The following CRYBG3 variants were observed in gnomAD, a reference collection of about 807,000 sequenced individuals.
CRYBG3 encodes crystallin beta-gamma domain containing 3.
Under a neutral mutation model 244.2 loss-of-function variants are expected in CRYBG3, and 127 were observed. That is an observed-to-expected ratio of 0.52 (90% confidence interval 0.45 to 0.60). CRYBG3 has a LOEUF of 0.60. CRYBG3 is among the 20% of genes least tolerant of loss of function. The pLI is 0.00. For synonymous variants in CRYBG3, 1,132 were observed against 1,195.8 expected (o/e 0.95, Z 1.10); for missense variants, 3,325 against 3,442.5 (o/e 0.97, Z 0.85).
At chr3:97,935,300 T>C (rs1237989337) in intron 18 of CRYBG3, among the ~76,000 whole-genome samples, 1 of 152,112 alleles carries the variant, frequency 6.6e-6, no homozygotes. Flanking sequence ...GAAACTTCCC[T>C]GACAGTTTAA....
Position 97,875,647 on chromosome 3 carries a change from G to C in CRYBG3, c.4453G>C (p.Asp1485His). The change falls in exon 4 of 22, where the codon GAC becomes CAC. Residue 1485 changes from aspartate (D) to histidine (H), a missense_variant. Physicochemically the swap from Asp to His is moderately conservative, Grantham distance 81. Coordinates refer to ENST00000389622, the MANE Select transcript of CRYBG3 (RefSeq NM_153605.4). ...NFKWPPLVND[D>H]IHAPGTSKSS... Reference sequence around the variant, plus strand: ...CAAATGGCCTCCACTTGTGAATGATGACATCCATGCACCTGGTACATCTAA... The same window carrying C: ...CAAATGGCCTCCACTTGTGAATGATCACATCCATGCACCTGGTACATCTAA... 1 of 1,234,546 alleles carries C rather than the reference G, an allele frequency of 8.1e-7. No individual in the cohort carries two copies. Among genetic ancestry groups the C allele is most frequent in the Non-Finnish European group, 1.0e-6 (1 of 989,834 alleles). 76.5% of individuals were successfully genotyped at this position (1,234,546 alleles called of 1,614,324 possible).
At chr3:97,925,701 G>T (rs2040033038) in intron 17 of CRYBG3, among the ~76,000 whole-genome samples, 1 of 151,984 alleles carries the variant, frequency 6.6e-6, no homozygotes, top group South Asian at 2.1e-4. Context: ...GGTCACCTCT[G>T]GGGGTGGTGG....
intron 15 of CRYBG3, among the ~76,000 whole-genome samples, chr3:97,904,372 C>T (rs539873339): frequency 6.6e-6 from 1 of 152,140 alleles, no homozygotes; most frequent in East Asian, 1.9e-4. Context: ...TTATTTTAAC[C>T]CATCAAATCA....
At chr3:97,915,825 G>C in intron 17 of CRYBG3, 89 bp downstream of exon 17, 1 of 1,019,076 alleles carries the variant, frequency 9.8e-7, no homozygotes, top group South Asian at 2.2e-5. Flanking sequence ...TGGAAGAAAT[G>C]ATACAAGGAG....
chr3:97,904,056 A>C (rs1158270420), intron 15 of CRYBG3, among the ~76,000 whole-genome samples: 1 of 152,186 alleles, frequency 6.6e-6, no homozygotes, highest in East Asian at 1.9e-4. Flanking sequence ...CTGTAAAGGT[A>C]GCCAACATGG....
At chr3:97,887,390 G>A (rs1034105553) in intron 8 of CRYBG3, among the ~76,000 whole-genome samples, 1 of 152,114 alleles carries the variant, frequency 6.6e-6, no homozygotes, top group African/African-American at 2.4e-5. Flanking sequence ...CTTTGATGAT[G>A]GTTGGTATAC....
intron 17 of CRYBG3, among the ~76,000 whole-genome samples, chr3:97,916,831 A>G (rs2039933964): frequency 6.6e-6 from 1 of 152,152 alleles, no homozygotes; most frequent in Admixed American, 6.6e-5. Context: ...TGTAGACACC[A>G]ACATGGAAAG....
intron 2 of CRYBG3, among the ~76,000 whole-genome samples, chr3:97,856,908 G>T (rs1308390637): frequency 6.6e-6 from 1 of 151,894 alleles, no homozygotes; most frequent in Non-Finnish European, 1.5e-5. Context: ...ATTTATTTCT[G>T]CTCTGATTAT....
Position 97,872,869 on chromosome 3 carries a change from A to G in CRYBG3, c.1675A>G (p.Thr559Ala). 3 of 1,533,768 alleles carry G rather than the reference A, an allele frequency of 2.0e-6. No individual in the cohort carries two copies. Among genetic ancestry groups the G allele is most frequent in the Non-Finnish European group, 2.6e-6 (3 of 1,146,294 alleles). The change falls in exon 4 of 22, where the codon ACT becomes GCT. Residue 559 changes from threonine to alanine, a missense_variant. Physicochemically the swap from Thr to Ala is moderately conservative, Grantham distance 58 (BLOSUM62 0). Around this residue, in one of 4 missense-constraint regions of CRYBG3, gnomAD observed 1,526 missense variants for 1,443.2 expected, o/e 1.06. Coordinates refer to ENST00000389622, the MANE Select transcript of CRYBG3 (RefSeq NM_153605.4). ...TAAAATTGAGTCATTACCCAAAGAT[A>G]CTGACCAATACTTTGAAACCAAAGC... ...EDKIESLPKD[T>A]DQYFETKAKK...
At chr3:97,848,659 C>T (rs2038938539) in intron 2 of CRYBG3, among the ~76,000 whole-genome samples, 2 of 152,206 alleles carry the variant, frequency 1.3e-5, no homozygotes, top group Non-Finnish European at 2.9e-5. Context: ...CTCCTGGGCT[C>T]AAGCAATTCG....
Position 97,915,530 on chromosome 3 carries a change from C to A in CRYBG3, c.8115-80C>A, listed in dbSNP as rs1418957553. 2.7e-6 allele frequency: 4 copies of A among 1,464,478 alleles called. No individual in the cohort carries two copies. In the East Asian group the frequency reaches 9.4e-5, roughly 34 times the overall value. The allele number at this position is 1,464,478 out of a possible 1,614,324, so 90.7% of individuals were successfully genotyped here. On this transcript the variant is annotated intron_variant, in intron 16 of 21. Transcript: ENST00000389622. ...CCACTTTCTATGCCCTACCCCTACC[C>A]CAATTCCCACAGCATGATAATGAGC...
chr3:97,859,771 C>CT (rs1048116082), intron 2 of CRYBG3, among the ~76,000 whole-genome samples: 20 of 152,234 alleles, frequency 1.3e-4, no homozygotes, highest in Non-Finnish European at 2.6e-4. Flanking sequence ...GCCATATTGT[C>CT]TTTTCACTTA....
intron 8 of CRYBG3, 130 bp downstream of exon 8, chr3:97,886,897 G>GTTA (rs2039514657): frequency 1.4e-6 from 1 of 714,028 alleles, no homozygotes; most frequent in South Asian, 2.8e-5. Flanking sequence ...GACTGCAGGG[G>GTTA]TTAAAAGATT....
intron 4 of CRYBG3, 106 bp downstream of exon 4, chr3:97,878,143 G>A: frequency 2.0e-6 from 2 of 1,019,996 alleles, no homozygotes; most frequent in Non-Finnish European, 2.8e-6. Flanking sequence ...AAGCATGGTG[G>A]CTCATGCCTG....
chr3:97,917,167 G>A (rs1433836930), intron 17 of CRYBG3, among the ~76,000 whole-genome samples: 1 of 152,116 alleles, frequency 6.6e-6, no homozygotes, highest in Non-Finnish European at 1.5e-5. Context: ...CAAAATTAGT[G>A]TTACTATTTT....
chr3:97,880,114 T>C lies in CRYBG3; in HGVS notation c.7004+14T>C, dbSNP rs367662271. The C allele has an allele frequency of 4.7e-6, 6 of 1,278,800 alleles. No individual in the cohort carries two copies. The highest frequency in any genetic ancestry group is 3.0e-5 in the African/African-American group (2 of 66,656). 79.2% of individuals were successfully genotyped at this position (1,278,800 alleles called of 1,614,324 possible). On this transcript the variant is annotated intron_variant, in intron 6 of 21. Coordinates refer to ENST00000389622, the MANE Select transcript of CRYBG3 (RefSeq NM_153605.4). Reference sequence around the variant, plus strand: ...TGTAAGGGGCTGGTAAGAAGTTTCTTAAAATTTTATAGCATATTTTCTTAA... The same window carrying C: ...TGTAAGGGGCTGGTAAGAAGTTTCTCAAAATTTTATAGCATATTTTCTTAA...
At chr3:97,928,735 T>C (rs549031197) in intron 17 of CRYBG3, among the ~76,000 whole-genome samples, 61 of 152,130 alleles carry the variant, frequency 4.0e-4, no homozygotes, top group Non-Finnish European at 7.7e-4. Flanking sequence ...TCTGTTCCTA[T>C]AGTGAAATTT....
At chr3:97,857,700 G>C (rs1416741064) in intron 2 of CRYBG3, among the ~76,000 whole-genome samples, 1 of 151,822 alleles carries the variant, frequency 6.6e-6, no homozygotes, top group Non-Finnish European at 1.5e-5. Context: ...CTTTCATTCT[G>C]TATGTGTCTC....
intron 2 of CRYBG3, among the ~76,000 whole-genome samples, chr3:97,846,051 G>C (rs2038896695): frequency 6.6e-6 from 1 of 152,136 alleles, no homozygotes; most frequent in African/African-American, 2.4e-5. Context: ...TCAGTATGTA[G>C]TCGCTGATTG....
Sources: gnomAD v4.1 joint callset for allele counts (sites outside exome capture counted in the v4.1 genomes callset) on GRCh38, gnomAD v4.1.1 for gene constraint, gnomAD v4.1.1 regional missense constraint, MANE v1.5 for transcripts, NCBI Gene and HGNC (gene_info 2026-07-23, HGNC 2026-07-21) for gene names.